Variants in SYN2 observed in about 807,000 individuals in gnomAD.
SYN2 encodes the protein synapsin II.
A neutral mutation model predicts 50.9 loss-of-function variants in SYN2; 19 were observed. That is an observed-to-expected ratio of 0.37 (90% CI 0.26 to 0.55). The LOEUF (loss-of-function observed/expected upper bound fraction) is 0.55, where lower values mean the gene tolerates loss of function less well. Ranked by LOEUF, SYN2 falls within the 20% of genes least tolerant of loss-of-function variation. The probability of loss-of-function intolerance (pLI) is 0.81; values close to 1 mark genes in which losing one functional copy is unlikely to be tolerated. For missense variants in SYN2, 587 were observed against 576.4 expected, an observed-to-expected ratio of 1.02 and a Z score of -0.19; for synonymous variants, 255 against 224.9, an observed-to-expected ratio of 1.13 and a Z score of -1.20.
intron 1 of SYN2, among the ~76,000 whole-genome samples, chr3:12,054,928 A>G (rs1169215439): frequency 1.3e-5 from 2 of 152,160 alleles, no homozygotes; most frequent in African/African-American, 4.8e-5. Context: ...TTAGAAAAGT[A>G]CTGCTTTTGT....
Position 12,032,090 on chromosome 3 carries a change from GGTCAGCATTTGCTT to G in SYN2, c.377+27166_377+27179del, listed in dbSNP as rs1245326052. Among the ~76,000 whole-genome samples, 28 of 121,052 alleles carry G rather than the reference GGTCAGCATTTGCTT, an allele frequency of 2.3e-4. No homozygotes were observed. The East Asian group carries it at 6.8e-3, about 29-fold the overall frequency. 79.4% of individuals were successfully genotyped at this position (121,052 alleles called of 152,430 possible). A position where few individuals can be genotyped will look rare whatever the true frequency, so the allele number is the denominator to read the frequency against. On this transcript the variant is annotated intron_variant, in intron 1 of 12. Coordinates refer to ENST00000621198, the MANE Select transcript of SYN2 (RefSeq NM_133625.6). Reference sequence around the variant, plus strand: ...GGGCAGGCCTGGTGGTGACAAAATCGGTCAGCATTTGCTTGTCTGTAAAGTATTTTATTTCTCCT... The same window carrying G: ...GGGCAGGCCTGGTGGTGACAAAATCGGTCTGTAAAGTATTTTATTTCTCCT...
rs147450780 is a variant in SYN2, at chr3:12,080,968, A to T, written c.378-59683A>T. On this transcript the variant is annotated intron_variant, in intron 1 of 12. Transcript: ENST00000621198. ...AAAAGTGTTAACAATCTGAAGGCTG[A>T]TAGTTCAGAAAAAAATATAATTAAT... Among the ~76,000 whole-genome samples, 491 of 152,310 alleles carry T rather than the reference A, an allele frequency of 3.2e-3. 4 individuals carry two copies. Among genetic ancestry groups the T allele is most frequent in the African/African-American group, 0.011 (476 of 41,578 alleles).
chr3:12,171,505 G>A (rs1359049723), intron 10 of SYN2, among the ~76,000 whole-genome samples: 1 of 152,150 alleles, frequency 6.6e-6, no homozygotes, highest in Non-Finnish European at 1.5e-5. Flanking sequence ...TTTATGACAG[G>A]GTAAGAGAAC....
chr3:12,187,881 C>G (rs1359893039), intron 12 of SYN2, among the ~76,000 whole-genome samples: 1 of 152,074 alleles, frequency 6.6e-6, no homozygotes, highest in Non-Finnish European at 1.5e-5. Context: ...AACCCCCTTC[C>G]CTTTCTTCCT....
chr3:12,151,616 C>G lies in SYN2; in HGVS notation c.774+290C>G, dbSNP rs547027446. Among the ~76,000 whole-genome samples, 8 of 152,366 alleles carry G rather than the reference C, an allele frequency of 5.3e-5. No individual in the cohort carries two copies. In the South Asian group the frequency reaches 1.0e-3, roughly 20 times the overall value. On this transcript the variant is annotated intron_variant, in intron 5 of 12. Transcript: ENST00000621198. ...ATCTCACTGCTTTTGAGTCCCAGCC[C>G]TGGCTCTGCCACTTGTCATTGAACA...
intron 5 of SYN2, chr3:12,154,437 C>T (rs376724840): frequency 1.9e-6 from 3 of 1,613,982 alleles, no homozygotes; most frequent in African/African-American, 2.7e-5. Flanking sequence ...ACTTTTCCAT[C>T]ACTGAGGACC....
rs144942197 is a variant in SYN2, at chr3:12,123,960, A to G, written c.378-16691A>G. Among the ~76,000 whole-genome samples, 391 of 152,244 alleles carry G rather than the reference A, an allele frequency of 2.6e-3. 1 individual carries two copies. Among genetic ancestry groups the G allele is most frequent in the African/African-American group, 8.7e-3 (360 of 41,536 alleles). Reference sequence around the variant, plus strand: ...CGGGAGGTTGAGGCTGCAGTGAGCCATGATCACACCACTACACTCCAGCCT... The same window carrying G: ...CGGGAGGTTGAGGCTGCAGTGAGCCGTGATCACACCACTACACTCCAGCCT... On this transcript the variant is annotated intron_variant, in intron 1 of 12. Coordinates refer to ENST00000621198, the MANE Select transcript of SYN2 (RefSeq NM_133625.6).
chr3:12,069,374 G>A (rs1695292851), intron 1 of SYN2, among the ~76,000 whole-genome samples: 1 of 151,952 alleles, frequency 6.6e-6, no homozygotes, highest in African/African-American at 2.4e-5. Flanking sequence ...TCAGCCTCCT[G>A]AGCAGCTGGG....
chr3:12,185,438 G>T (rs1698321902), intron 11 of SYN2: 1 of 985,810 alleles, frequency 1.0e-6, no homozygotes, highest in Non-Finnish European at 1.2e-6. Flanking sequence ...AGGTGGGGGA[G>T]AAATTGGTTA....
chr3:12,092,849 A>G (rs953393073), intron 1 of SYN2, among the ~76,000 whole-genome samples: 2 of 152,150 alleles, frequency 1.3e-5, no homozygotes, highest in African/African-American at 4.8e-5. Flanking sequence ...TGACTTTGGA[A>G]TAATTTTTTA....
At chr3:12,118,212 G>A (rs1168287497) in intron 1 of SYN2, among the ~76,000 whole-genome samples, 1 of 152,130 alleles carries the variant, frequency 6.6e-6, no homozygotes, top group Non-Finnish European at 1.5e-5. Context: ...TAACTTTCAG[G>A]GCTGGAGTGA....
chr3:12,102,949 C>A (rs1696108193), intron 1 of SYN2, among the ~76,000 whole-genome samples: 1 of 152,094 alleles, frequency 6.6e-6, no homozygotes. Context: ...GATAAAATAA[C>A]TGACAACCCA....
chr3:12,143,774 A>G (rs1178656734), intron 3 of SYN2, among the ~76,000 whole-genome samples: 1 of 152,134 alleles, frequency 6.6e-6, no homozygotes, highest in Non-Finnish European at 1.5e-5. Context: ...TTTTAATATG[A>G]TGATTTATTT....
intron 1 of SYN2, among the ~76,000 whole-genome samples, chr3:12,085,381 G>GCACA (rs1390809303): frequency 1.6e-4 from 21 of 133,052 alleles, no homozygotes; most frequent in Admixed American, 5.1e-4. Flanking sequence ...ACACACACAC[G>GCACA]CACGCACGCA....
At position 12,158,636 on chromosome 3, in the gene SYN2, C is replaced by CT. The variant is rs1268268454; in HGVS notation, c.775-2909dup. On this transcript the variant is annotated intron_variant, in intron 5 of 12. Transcript: ENST00000621198. ...CCTTTTCCTCTGGACTCCTGGTGTACTGCTGGCCAGATACTAATCCCCCAC... is the reference window on the plus strand; with the variant it reads ...CCTTTTCCTCTGGACTCCTGGTGTACTTGCTGGCCAGATACTAATCCCCCAC... 5.6e-6 allele frequency: 9 copies of CT among 1,594,580 alleles called. No individual in the cohort carries two copies. The East Asian group carries it at 2.0e-4, about 36-fold the overall frequency.
intron 10 of SYN2, 114 bp downstream of exon 10, chr3:12,170,020 G>T: frequency 7.8e-7 from 1 of 1,276,378 alleles, no homozygotes; most frequent in Non-Finnish European, 1.0e-6. Flanking sequence ...GCCTAAATGG[G>T]ATCTAAGGAG....
intron 1 of SYN2, among the ~76,000 whole-genome samples, chr3:12,082,393 G>T (rs1209822000): frequency 6.6e-6 from 1 of 152,206 alleles, no homozygotes; most frequent in African/African-American, 2.4e-5. Context: ...TAGGCACAGT[G>T]AACCACTCTT....
At chr3:12,112,359 C>T (rs1176610432) in intron 1 of SYN2, among the ~76,000 whole-genome samples, 1 of 151,898 alleles carries the variant, frequency 6.6e-6, no homozygotes, top group African/African-American at 2.4e-5. Context: ...GATTAATTGC[C>T]CCTGTCAAAT....
chr3:12,046,019 G>A (rs958596350), intron 1 of SYN2, among the ~76,000 whole-genome samples: 1 of 152,024 alleles, frequency 6.6e-6, no homozygotes, highest in Non-Finnish European at 1.5e-5. Flanking sequence ...CTCCTTTATA[G>A]TACTTACTAC....
Sources: allele counts gnomAD v4.1 joint callset (sites outside exome capture counted in the v4.1 genomes callset), GRCh38; gene constraint gnomAD v4.1.1; transcripts MANE v1.5; gene names NCBI Gene and HGNC (gene_info 2026-07-23, HGNC 2026-07-21).